SSUH2: variants seen among roughly 807,000 people sequenced by gnomAD.
SSUH2 encodes the protein ssu-2 homolog, also known as protein SSUH2 homolog.
Under a neutral mutation model 55.3 loss-of-function variants are expected in SSUH2, and 47 were observed. The ratio of observed to expected loss-of-function variants is 0.85; its 90% CI spans 0.67 to 1.08. The LOEUF (loss-of-function observed/expected upper bound fraction) is 1.08, where lower values mean the gene tolerates loss of function less well. Ranked by LOEUF, SSUH2 falls within the 50% of genes least tolerant of loss-of-function variation. The pLI is 0.00. For synonymous variants in SSUH2, 212 were observed against 191.5 expected, an observed-to-expected ratio of 1.11 and a Z score of -0.89; for missense variants, 535 against 490.7, an observed-to-expected ratio of 1.09 and a Z score of -0.85.
At chr3:8,632,704 G>A (rs371073888) in intron 4 of SSUH2, among the ~76,000 whole-genome samples, 10 of 152,354 alleles carry the variant, frequency 6.6e-5, no homozygotes, top group East Asian at 1.9e-4. Context: ...TGGATGAGCA[G>A]CACTAGAAAA....
chr3:8,657,298 T>C (rs540047181), intron 7 of SSUH2, among the ~76,000 whole-genome samples: 9 of 95,308 alleles, frequency 9.4e-5, no homozygotes, highest in Admixed American at 5.0e-4. Flanking sequence ...TGAGTATTTG[T>C]TGAATAGGTG....
At chr3:8,674,620 T>C (rs1705019510) in intron 3 of SSUH2, among the ~76,000 whole-genome samples, 1 of 152,076 alleles carries the variant, frequency 6.6e-6, no homozygotes, top group Non-Finnish European at 1.5e-5. Flanking sequence ...ACTTGTACTG[T>C]AGGAGGACAT....
At chr3:8,646,304 T>C (rs1281652668), upstream of SSUH2, among the ~76,000 whole-genome samples, 1 of 152,218 alleles carries the variant, frequency 6.6e-6, no homozygotes, top group Non-Finnish European at 1.5e-5. Context: ...TAAAACAATA[T>C]ACCACTATTA....
intron 5 of SSUH2, 139 bp from the exon 6 acceptor site, chr3:8,631,068 G>A (rs189511632): frequency 1.1e-6 from 1 of 891,972 alleles, no homozygotes; most frequent in Admixed American, 4.1e-5. Flanking sequence ...GGATAGTCAA[G>A]GCCTTCCTTG....
rs1705731522 is a variant in SSUH2, at chr3:8,679,123, ATTG to A, written c.-901+579_-901+581del. Among the ~76,000 whole-genome samples, 21 of 89,774 alleles carry A rather than the reference ATTG, an allele frequency of 2.3e-4. 1 individual carries two copies. Among genetic ancestry groups the A allele is most frequent in the East Asian group, 1.9e-3 (6 of 3,212 alleles). The allele number at this position is 89,774 out of a possible 152,430, so 58.9% of individuals were successfully genotyped here. A position where few individuals can be genotyped will look rare whatever the true frequency, so the allele number is the denominator to read the frequency against. ...TTCCCCCCTGGCTCTTAGGACCCAA[ATTG>A]CGGGGGGGAGGCACCCCCGCGAGGC... On this transcript the variant is annotated intron_variant, in intron 2 of 18. Coordinates refer to the SSUH2 transcript ENST00000317371.
chr3:8,649,618 T>A (rs1434009665), upstream of SSUH2, among the ~76,000 whole-genome samples: 1 of 151,954 alleles, frequency 6.6e-6, no homozygotes, highest in African/African-American at 2.4e-5. Context: ...CTGCTTTCAC[T>A]CCCCCTTTTC....
At chr3:8,643,230 C>T (rs1194895356) in intron 1 of SSUH2, among the ~76,000 whole-genome samples, 1 of 152,130 alleles carries the variant, frequency 6.6e-6, no homozygotes, top group Non-Finnish European at 1.5e-5. Flanking sequence ...TGCAAGATGA[C>T]ACCATCCCTT....
chr3:8,681,100 C>CG (rs1559577850), intron 1 of SSUH2, among the ~76,000 whole-genome samples: 1 of 97,188 alleles, frequency 1.0e-5, no homozygotes, highest in African/African-American at 2.9e-5. Flanking sequence ...GAGGCACCCC[C>CG]GCGAGGCGGG....
At chr3:8,667,559 C>G (rs1704102600) in intron 5 of SSUH2, among the ~76,000 whole-genome samples, 1 of 152,218 alleles carries the variant, frequency 6.6e-6, no homozygotes, top group Admixed American at 6.5e-5. Flanking sequence ...GCCTCTGACA[C>G]CTGGGCAGGC....
intron 3 of SSUH2, chr3:8,634,666 T>C: frequency 9.2e-7 from 1 of 1,088,050 alleles, no homozygotes; most frequent in South Asian, 1.3e-5. Context: ...AAAGTGGGTG[T>C]CCATGGAGGA....
At position 8,625,603 on chromosome 3, in the gene SSUH2, C is replaced by A. The variant is rs1157840406; in HGVS notation, c.812G>T (p.Cys271Phe). ...FEFVSEHRLNCPRELLAKAKG... is the reference protein window; with the variant it reads ...FEFVSEHRLNFPRELLAKAKG... The stretch of plus-strand genomic sequence containing the variant: ...GGCTTTAGCAAGGAGCTCCCTGGGG[C>A]AGTTGAGCCGGTGCTCAGACACAAA... The change falls in exon 10 of 12, where the codon TGC (cysteine) becomes TTC (phenylalanine). Residue 271 changes from cysteine (C) to phenylalanine (F), a missense_variant. By Grantham distance (205) the Cys-to-Phe change is radical. Transcript: ENST00000544814. 3 of 1,613,996 alleles carry A rather than the reference C, an allele frequency of 1.9e-6. No homozygotes were observed. The highest frequency in any genetic ancestry group is 4.5e-5 in the East Asian group (2 of 44,870).
In SSUH2 at chr3:8,619,861, T is replaced by C. The variant is rs751985441; in HGVS notation, c.*7A>G. ...GAATGGCAGGCTCTGGGGACAGCCATGCTATGTCACACGATGGTACAGCCA... is the reference window on the plus strand; with the variant it reads ...GAATGGCAGGCTCTGGGGACAGCCACGCTATGTCACACGATGGTACAGCCA... On this transcript the variant is annotated 3_prime_UTR_variant, in exon 12 of 12. Coordinates refer to ENST00000544814, the MANE Select transcript of SSUH2 (RefSeq NM_001256748.3). 10 of 1,612,904 alleles carry C rather than the reference T, an allele frequency of 6.2e-6. No homozygotes were observed. Among genetic ancestry groups the C allele is most frequent in the Admixed American group, 5.0e-5 (3 of 59,850 alleles).
intron 3 of SSUH2, chr3:8,634,024 G>A (rs1041858462): frequency 2.1e-6 from 3 of 1,415,514 alleles, no homozygotes; most frequent in African/African-American, 1.4e-5. Context: ...CACTTTAGTT[G>A]AAATGTGGAG....
At chr3:8,634,638 G>C (rs759993191) in intron 3 of SSUH2, 162 of 1,250,112 alleles carry the variant, frequency 1.3e-4, no homozygotes, top group South Asian at 1.5e-4. Context: ...GAGGAAGCAG[G>C]GTTCTTCCTA....
chr3:8,641,729 A>C (rs1213073889), intron 1 of SSUH2, among the ~76,000 whole-genome samples: 2 of 152,226 alleles, frequency 1.3e-5, no homozygotes, highest in Non-Finnish European at 2.9e-5. Flanking sequence ...TGTGAAAAAC[A>C]CTGAGATCCC....
intron 8 of SSUH2, among the ~76,000 whole-genome samples, 162 bp from the exon 9 acceptor site, chr3:8,626,483 A>C (rs1380525531): frequency 1.3e-5 from 2 of 151,696 alleles, no homozygotes; most frequent in East Asian, 1.9e-4. Context: ...CAGTGCCCCA[A>C]TATCTCTATG....
At chr3:8,676,576 T>C (rs1705302036) in intron 3 of SSUH2, among the ~76,000 whole-genome samples, 1 of 151,004 alleles carries the variant, frequency 6.6e-6, no homozygotes, top group Non-Finnish European at 1.5e-5. Flanking sequence ...TCTCGGCCTC[T>C]GAATATTAGG....
chr3:8,634,419 A>G, intron 3 of SSUH2: 1 of 1,289,960 alleles, frequency 7.8e-7, no homozygotes, highest in Non-Finnish European at 1.0e-6. Flanking sequence ...TGGCCCCAAC[A>G]CCTCCAAGAG....
intron 6 of SSUH2, chr3:8,659,146 C>G (rs1703225105): frequency 6.6e-6 from 1 of 152,216 alleles, no homozygotes; most frequent in Non-Finnish European, 1.5e-5. Flanking sequence ...GGCGCCACTT[C>G]TCCTTACACC....
Sources: gnomAD v4.1 joint callset for allele counts (sites outside exome capture counted in the v4.1 genomes callset) on GRCh38, gnomAD v4.1.1 for gene constraint, MANE v1.5 for transcripts, NCBI Gene and HGNC (gene_info 2026-07-23, HGNC 2026-07-21) for gene names.